Variants in NEMP2 observed in about 807,000 individuals in gnomAD.
NEMP2 encodes the protein nuclear envelope integral membrane protein 2.
A neutral mutation model predicts 54.2 loss-of-function variants in NEMP2; 53 were observed. The ratio of observed to expected loss-of-function variants is 0.98; its 90% CI spans 0.78 to 1.23. The LOEUF (loss-of-function observed/expected upper bound fraction) is 1.23. Among genes scored for constraint, NEMP2 ranks in the 50% most tolerant of loss-of-function variants. The pLI, the probability that NEMP2 is intolerant of heterozygous loss-of-function variation, is 0.00. For missense variants in NEMP2, 455 were observed against 511.3 expected, an observed-to-expected ratio of 0.89 and a Z score of 1.06; for synonymous variants, 197 against 190.3, an observed-to-expected ratio of 1.04 and a Z score of -0.29.
upstream of NEMP2, among the ~76,000 whole-genome samples, chr2:190,539,513 A>G (rs367993170): frequency 1.1e-4 from 16 of 152,228 alleles, no homozygotes; most frequent in African/African-American, 3.6e-4. This position sits in a 1 kb window ranked among gnomAD's most constrained non-coding sequence, Gnocchi z 4.1. Flanking sequence ...TAGGGGTTGT[A>G]TTGAATTTGT....
chr2:190,552,014 C>T, the NEMP2 span, among the ~76,000 whole-genome samples: 5 of 152,226 alleles, frequency 3.3e-5, no homozygotes, highest in South Asian at 6.2e-4. Flanking sequence ...GAAGGGAGCC[C>T]GGGCAGGTCA....
chr2:190,586,829 A>T, the NEMP2 span, among the ~76,000 whole-genome samples: 1 of 152,218 alleles, frequency 6.6e-6, no homozygotes, highest in Non-Finnish European at 1.5e-5. This position sits in a 1 kb window ranked among gnomAD's most constrained non-coding sequence, Gnocchi z 4.5. Flanking sequence ...GATACCTATC[A>T]TCCTGATTCA....
the NEMP2 span, among the ~76,000 whole-genome samples, chr2:190,431,050 T>G: frequency 7.7e-6 from 1 of 129,748 alleles, no homozygotes; most frequent in South Asian, 2.6e-4. This position sits in a 1 kb window ranked among gnomAD's most constrained non-coding sequence, Gnocchi z 4.4. Flanking sequence ...GCAGAGGCGC[T>G]CCTCACCTCC....
the NEMP2 span, among the ~76,000 whole-genome samples, chr2:190,497,078 A>G: frequency 6.6e-6 from 1 of 152,212 alleles, no homozygotes; most frequent in African/African-American, 2.4e-5. The surrounding 1 kb of genome is among the most constrained non-coding windows in gnomAD (Gnocchi z 5.2). Context: ...TTTAAAAAAT[A>G]ACTATCACGT....
intron 1 of NEMP2, among the ~76,000 whole-genome samples, chr2:190,526,790 T>A (rs1256420872): frequency 1.3e-5 from 2 of 152,084 alleles, no homozygotes; most frequent in Non-Finnish European, 2.9e-5. Flanking sequence ...TCTGTGAAGA[T>A]GGACAGATCT....
chr2:190,551,364 C>A, the NEMP2 span, among the ~76,000 whole-genome samples: 1 of 151,352 alleles, frequency 6.6e-6, no homozygotes, highest in Admixed American at 6.6e-5. Context: ...TTCTTTATTT[C>A]TTTTTCATTT....
chr2:190,581,410 C>A, the NEMP2 span, among the ~76,000 whole-genome samples: 1 of 152,080 alleles, frequency 6.6e-6, no homozygotes, highest in Non-Finnish European at 1.5e-5. Flanking sequence ...ATGTAAGTAA[C>A]GAACTACCAT....
At chr2:190,450,488 CTTTTTTTTTTT>C in the NEMP2 span, among the ~76,000 whole-genome samples, 2 of 97,254 alleles carry the variant, frequency 2.1e-5, no homozygotes, top group Non-Finnish European at 3.8e-5. Flanking sequence ...TCTCTTTTTC[CTTTTTTTTTTT>C]TTTTTTTTTT....
At chr2:190,554,319 C>T in the NEMP2 span, among the ~76,000 whole-genome samples, 1 of 152,182 alleles carries the variant, frequency 6.6e-6, no homozygotes, top group Non-Finnish European at 1.5e-5. This position sits in a 1 kb window ranked among gnomAD's most constrained non-coding sequence, Gnocchi z 5.7. Context: ...GTTGACTCCC[C>T]TGGAAAGGAG....
At chr2:190,500,408 CT>C (rs1689972473), downstream of NEMP2, 2 of 621,958 alleles carry the variant, frequency 3.2e-6, no homozygotes, top group Admixed American at 6.0e-5. The surrounding 1 kb of genome is among the most constrained non-coding windows in gnomAD (Gnocchi z 5.3). Flanking sequence ...AAAAGGTAAA[CT>C]TTCGTAATCT....
chr2:190,478,031 G>A, the NEMP2 span, among the ~76,000 whole-genome samples: 2 of 152,184 alleles, frequency 1.3e-5, no homozygotes, highest in African/African-American at 4.8e-5. Context: ...GCTAGGGCTT[G>A]AAGCATTTAT....
the NEMP2 span, among the ~76,000 whole-genome samples, chr2:190,590,589 G>T: frequency 6.6e-6 from 1 of 152,282 alleles, no homozygotes; most frequent in African/African-American, 2.4e-5. The surrounding 1 kb of genome is among the most constrained non-coding windows in gnomAD (Gnocchi z 5.1). Context: ...TTCAATGCCA[G>T]TCTTACTGGG....
chr2:190,525,655 G>A lies in NEMP2; in HGVS notation c.98-277C>T, dbSNP rs376543638. ...TCTGAAGCAGAAGGCAGAATTATGG[G>A]CACCTTCTCAGAAAAGACAAAAATA... is the stretch of plus-strand genomic sequence containing the variant. On this transcript the variant is annotated intron_variant, in intron 1 of 8. Transcript: ENST00000409150. This position sits in a 1 kb window ranked among gnomAD's most constrained non-coding sequence, Gnocchi z 5.0. 5.9e-5 allele frequency among the ~76,000 whole-genome samples: 9 copies of A among 152,224 alleles called. 2 individuals carry two copies. The highest frequency in any genetic ancestry group is 2.1e-4 in the South Asian group (1 of 4,826).
chr2:190,483,342 T>C, the NEMP2 span, among the ~76,000 whole-genome samples: 2 of 152,196 alleles, frequency 1.3e-5, no homozygotes, highest in African/African-American at 4.8e-5. Context: ...AGCTCTGAAC[T>C]TGGACACCTT....
chr2:190,439,508 A>G, the NEMP2 span, among the ~76,000 whole-genome samples: 1 of 152,272 alleles, frequency 6.6e-6, no homozygotes. This position sits in a 1 kb window ranked among gnomAD's most constrained non-coding sequence, Gnocchi z 5.8. Context: ...GTTCTCTTCT[A>G]CCTTTGCCTT....
intron 5 of NEMP2, 145 bp from the exon 6 acceptor site, chr2:190,516,529 G>GC: frequency 1.6e-6 from 1 of 615,866 alleles, no homozygotes. Context: ...GGGTCTTAAG[G>GC]TGTGGTCCAC....
At chr2:190,638,824 C>T in the NEMP2 span, among the ~76,000 whole-genome samples, 2 of 152,068 alleles carry the variant, frequency 1.3e-5, no homozygotes, top group African/African-American at 2.4e-5. This position sits in a 1 kb window ranked among gnomAD's most constrained non-coding sequence, Gnocchi z 5.7. Context: ...TGCTCTCCTC[C>T]CCTAAGGAAC....
At chr2:190,566,771 A>G in the NEMP2 span, among the ~76,000 whole-genome samples, 1 of 151,880 alleles carries the variant, frequency 6.6e-6, no homozygotes, top group Non-Finnish European at 1.5e-5. Flanking sequence ...GGAAGGAAAG[A>G]AAGATTCAGA....
At chr2:190,431,391 C>T in the NEMP2 span, among the ~76,000 whole-genome samples, 1 of 152,216 alleles carries the variant, frequency 6.6e-6, no homozygotes, top group Non-Finnish European at 1.5e-5. The surrounding 1 kb of genome is among the most constrained non-coding windows in gnomAD (Gnocchi z 4.4). Context: ...CGAGATCACC[C>T]CACTGCACTC....
Sources: allele counts gnomAD v4.1 joint callset (sites outside exome capture counted in the v4.1 genomes callset), GRCh38; gene constraint gnomAD v4.1.1; non-coding constraint Gnocchi (gnomAD v3.1); transcripts MANE v1.5; gene names NCBI Gene and HGNC (gene_info 2026-07-23, HGNC 2026-07-21).